HIPK3: variants seen among roughly 807,000 people sequenced by gnomAD.
The protein encoded by HIPK3 is homeodomain-interacting protein kinase 3.
A neutral mutation model predicts 124.2 loss-of-function variants in HIPK3; 47 were observed. The ratio of observed to expected loss-of-function variants is 0.38; its 90% CI spans 0.30 to 0.48. The LOEUF is 0.48. HIPK3 is among the 20% of genes least tolerant of loss of function. The pLI is 0.98. For synonymous variants in HIPK3, 482 were observed against 515.2 expected (o/e 0.94, Z 0.87); for missense variants, 1,286 against 1,454.3 (o/e 0.88, Z 1.88).
chr11:33,267,791 C>T (rs1164524549), intron 1 of HIPK3, among the ~76,000 whole-genome samples: 1 of 152,164 alleles, frequency 6.6e-6, no homozygotes, highest in African/African-American at 2.4e-5. Flanking sequence ...CCACCGTACC[C>T]GGCCGGAATA....
intron 2 of HIPK3, among the ~76,000 whole-genome samples, chr11:33,305,655 A>G (rs1386760315): frequency 2.0e-5 from 3 of 152,132 alleles, no homozygotes; most frequent in Admixed American, 6.5e-5. Context: ...ATTTCCCACA[A>G]TCCTTCTCCA....
At chr11:33,294,170 A>T (rs1565068933) in intron 2 of HIPK3, among the ~76,000 whole-genome samples, 3 of 152,104 alleles carry the variant, frequency 2.0e-5, no homozygotes, top group Non-Finnish European at 4.4e-5. Flanking sequence ...AAAAAAAAAA[A>T]AACGTAGTTG....
chr11:33,281,042 A>C (rs1349771471), intron 1 of HIPK3, among the ~76,000 whole-genome samples: 1 of 122,188 alleles, frequency 8.2e-6, no homozygotes, highest in Non-Finnish European at 1.7e-5. Context: ...TTTTATGTGT[A>C]TATTTACTTA....
At chr11:33,267,397 G>C (rs1850996899) in intron 1 of HIPK3, among the ~76,000 whole-genome samples, 1 of 152,094 alleles carries the variant, frequency 6.6e-6, no homozygotes, top group South Asian at 2.1e-4. Flanking sequence ...ACAGGCGTGA[G>C]CCACTGTGCC....
intron 2 of HIPK3, among the ~76,000 whole-genome samples, chr11:33,313,226 A>T (rs1852400606): frequency 6.6e-6 from 1 of 152,248 alleles, no homozygotes; most frequent in Non-Finnish European, 1.5e-5. Context: ...AGAAAATGAC[A>T]GTGTCATGAA....
At chr11:33,340,232 C>T (rs561492660) in intron 6 of HIPK3, among the ~76,000 whole-genome samples, 54 of 152,146 alleles carry the variant, frequency 3.5e-4, no homozygotes, top group Non-Finnish European at 5.6e-4. Flanking sequence ...TACAGGCATA[C>T]GCCACCATGC....
chr11:33,313,278 TAAAG>T (rs1373371831), intron 2 of HIPK3, among the ~76,000 whole-genome samples: 1 of 152,196 alleles, frequency 6.6e-6, no homozygotes, highest in African/African-American at 2.4e-5. Context: ...TAAGCAAAAC[TAAAG>T]AAACATGAAT....
intron 2 of HIPK3, among the ~76,000 whole-genome samples, chr11:33,303,359 C>A (rs1852059904): frequency 6.6e-6 from 1 of 152,060 alleles, no homozygotes; most frequent in Non-Finnish European, 1.5e-5. Context: ...CAGATATGAT[C>A]GTCTGTTTTT....
chr11:33,292,382 AG>A (rs1187792083), intron 2 of HIPK3, among the ~76,000 whole-genome samples: 1 of 152,106 alleles, frequency 6.6e-6, no homozygotes, highest in African/African-American at 2.4e-5. Flanking sequence ...CATTTAATGG[AG>A]GGGAAAAATA....
intron 2 of HIPK3, among the ~76,000 whole-genome samples, chr11:33,303,238 C>G (rs531330577): frequency 3.4e-4 from 52 of 152,190 alleles, no homozygotes; most frequent in African/African-American, 1.1e-3. Flanking sequence ...ACTTTAATCT[C>G]TAGATTACTT....
At chr11:33,300,609 A>G (rs1008134012) in intron 2 of HIPK3, among the ~76,000 whole-genome samples, 1 of 152,206 alleles carries the variant, frequency 6.6e-6, no homozygotes. Context: ...GTACTGGGAA[A>G]CCAAAAAATT....
At chr11:33,278,915 A>T (rs1168477310) in intron 1 of HIPK3, among the ~76,000 whole-genome samples, 1 of 152,160 alleles carries the variant, frequency 6.6e-6, no homozygotes, top group East Asian at 1.9e-4. Context: ...AAAAAGGAAA[A>T]GATTTTTAAA....
At chr11:33,270,997 A>G (rs1248101094) in intron 1 of HIPK3, among the ~76,000 whole-genome samples, 1 of 152,206 alleles carries the variant, frequency 6.6e-6, no homozygotes, top group Non-Finnish European at 1.5e-5. Context: ...ACCTCTTGTT[A>G]ATGTGAATGA....
At chr11:33,338,674 A>G (rs1243741810) in intron 4 of HIPK3, 83 bp from the exon 5 acceptor site, 1 of 729,436 alleles carries the variant, frequency 1.4e-6, no homozygotes, top group African/African-American at 1.8e-5. Flanking sequence ...GCCTTAGAAT[A>G]TTTAATATAT....
chr11:33,257,325 G>C, upstream of HIPK3: 14 of 984,010 alleles, frequency 1.4e-5, no homozygotes, highest in Non-Finnish European at 1.7e-5. Flanking sequence ...GTGGCGCTGC[G>C]GAGGCGGTGG....
intron 1 of HIPK3, among the ~76,000 whole-genome samples, chr11:33,282,950 A>G (rs1439981271): frequency 1.3e-5 from 2 of 152,156 alleles, no homozygotes; most frequent in Admixed American, 1.3e-4. Flanking sequence ...AAGCCTCACA[A>G]AAGTGCCTTA....
At chr11:33,335,692 G>A (rs911562509) in intron 3 of HIPK3, 1 of 151,974 alleles carries the variant, frequency 6.6e-6, no homozygotes, top group Non-Finnish European at 1.5e-5. Context: ...TATTTGGTGG[G>A]GAGAGAGCTC....
At chr11:33,315,505 G>A (rs768990978) in intron 2 of HIPK3, among the ~76,000 whole-genome samples, 3 of 152,170 alleles carry the variant, frequency 2.0e-5, no homozygotes, top group Non-Finnish European at 2.9e-5. Flanking sequence ...GATTACAGGC[G>A]TGAGCCACTG....
chr11:33,326,698 G>A (rs1322174391), intron 2 of HIPK3, among the ~76,000 whole-genome samples: 1 of 150,990 alleles, frequency 6.6e-6, no homozygotes, highest in South Asian at 2.1e-4. Flanking sequence ...CCGAGACAGA[G>A]CCTGGCTCTG....
Sources: allele counts gnomAD v4.1 joint callset (sites outside exome capture counted in the v4.1 genomes callset), GRCh38; gene constraint gnomAD v4.1.1; transcripts MANE v1.5; gene names NCBI Gene and HGNC (gene_info 2026-07-23, HGNC 2026-07-21).